Variants in DNAH9 observed in about 807,000 individuals in gnomAD.
The protein encoded by DNAH9 is dynein axonemal heavy chain 9.
Under a neutral mutation model 471.6 loss-of-function variants are expected in DNAH9, and 345 were observed. That is an observed-to-expected ratio of 0.73 (90% confidence interval 0.67 to 0.80). The LOEUF is 0.80. DNAH9 is among the 30% of genes least tolerant of loss of function. The probability of loss-of-function intolerance (pLI) is 0.00; values close to 1 mark genes in which losing one functional copy is unlikely to be tolerated. For missense variants in DNAH9, 5,407 were observed against 5,609.2 expected, an observed-to-expected ratio of 0.96 and a Z score of 1.15; for synonymous variants, 2,093 against 2,123.6, an observed-to-expected ratio of 0.99 and a Z score of 0.40.
intron 7 of DNAH9, among the ~76,000 whole-genome samples, chr17:11,630,894 A>C (rs1465911457): frequency 6.6e-6 from 1 of 152,160 alleles, no homozygotes; most frequent in Admixed American, 6.5e-5. Flanking sequence ...ATCAAGTTGT[A>C]TATCTTATAT....
intron 45 of DNAH9, among the ~76,000 whole-genome samples, chr17:11,815,371 C>G (rs1970060329): frequency 6.6e-6 from 1 of 152,178 alleles, no homozygotes; most frequent in African/African-American, 2.4e-5. Flanking sequence ...TCTATCCTCA[C>G]TACCACTGGT....
At chr17:11,772,274 A>T (rs114989456) in intron 38 of DNAH9, among the ~76,000 whole-genome samples, 13,359 of 151,918 alleles carry the variant, frequency 0.088, 1,624 homozygotes, top group African/African-American at 0.27. Context: ...AATAAAATTA[A>T]ACAGAAAAAG....
At chr17:11,646,605 A>G (rs2073395809) in intron 11 of DNAH9, among the ~76,000 whole-genome samples, 1 of 152,114 alleles carries the variant, frequency 6.6e-6, no homozygotes, top group South Asian at 2.1e-4. Context: ...GATTTAAGCA[A>G]TGCTACCTTT....
At position 11,793,646 on chromosome 17, in the gene DNAH9, G is replaced by A; in HGVS notation, c.8205G>A (p.Val2735=). 1 of 1,611,046 alleles carries A rather than the reference G, an allele frequency of 6.2e-7. No individual in the cohort carries two copies. Among genetic ancestry groups the A allele is most frequent in the South Asian group, 1.1e-5 (1 of 90,306 alleles). The part of the protein sequence containing the change: ...FDLFDKIQTE[V]LKKTFDDIED... ...TTTTTGATAAAATCCAGACAGAAGT[G>A]CTCAAGAAAACTTTTGATGTGAGTA... Residue 2735 remains valine (V), a synonymous_variant, in exon 42 of 69, where the codon GTG becomes GTA. Transcript: ENST00000262442.
At chr17:11,883,859 A>G (rs1597787258) in intron 56 of DNAH9, 109 bp downstream of exon 56, 1 of 1,245,256 alleles carries the variant, frequency 8.0e-7, no homozygotes, top group East Asian at 2.5e-5. Context: ...TCAAAGTAAC[A>G]CATGGCTTTT....
chr17:11,609,010 C>T (rs2072569086), intron 2 of DNAH9, among the ~76,000 whole-genome samples: 1 of 152,136 alleles, frequency 6.6e-6, no homozygotes, highest in Non-Finnish European at 1.5e-5. Context: ...TCAAGCCAGG[C>T]TATGCATATA....
At chr17:11,913,053 A>G (rs1973838927) in intron 61 of DNAH9, among the ~76,000 whole-genome samples, 1 of 152,150 alleles carries the variant, frequency 6.6e-6, no homozygotes, top group Non-Finnish European at 1.5e-5. Flanking sequence ...CTGTAATCCC[A>G]GCTACTTGGG....
In DNAH9 at chr17:11,821,071, C is replaced by T. The variant is rs544222208; in HGVS notation, c.8708-849C>T. Among the ~76,000 whole-genome samples the T allele has an allele frequency of 5.3e-5, 8 of 152,094 alleles. No individual in the cohort carries two copies. In the South Asian group the frequency reaches 1.5e-3, roughly 28 times the overall value. On this transcript the variant is annotated intron_variant, in intron 45 of 68. Transcript: ENST00000262442. ...CCGAGGCGGGTGGATCACCTGAGGTCGGGAGTTCGAGACCAAGCCTGACTA... is the reference window on the plus strand; with the variant it reads ...CCGAGGCGGGTGGATCACCTGAGGTTGGGAGTTCGAGACCAAGCCTGACTA...
At position 11,598,739 on chromosome 17, in the gene DNAH9, C is replaced by T; in HGVS notation, c.241C>T (p.Leu81=). ...GGTGGTGCGGCCCGGGCCCAGGGGC[C>T]TGGCAATACGCCCCGGGCTGGAGGT... ...LLVVRPGPRG[L]AIRPGLEVGP... The change falls in exon 1 of 69, where the codon CTG becomes TTG. Residue 81 remains leucine, a synonymous_variant. Coordinates refer to ENST00000262442, the MANE Select transcript of DNAH9 (RefSeq NM_001372.4). The T allele has an allele frequency of 7.1e-7, 1 of 1,410,184 alleles. No individual in the cohort carries two copies. The highest frequency in any genetic ancestry group is 9.2e-7 in the Non-Finnish European group (1 of 1,089,536). The allele number at this position is 1,410,184 out of a possible 1,614,324, so 87.4% of individuals were successfully genotyped here. A position where few individuals can be genotyped will look rare whatever the true frequency, so the allele number is the denominator to read the frequency against.
chr17:11,739,496 A>C (rs558009554), intron 29 of DNAH9, among the ~76,000 whole-genome samples: 17 of 152,292 alleles, frequency 1.1e-4, no homozygotes, highest in African/African-American at 3.8e-4. Flanking sequence ...TTTGCATATA[A>C]ATCTTTTTTT....
At chr17:11,931,805 T>C (rs1238685965) in intron 63 of DNAH9, among the ~76,000 whole-genome samples, 1 of 152,090 alleles carries the variant, frequency 6.6e-6, no homozygotes, top group Non-Finnish European at 1.5e-5. Flanking sequence ...CCAAACCCTA[T>C]TATCACCTGA....
chr17:11,666,446 C>A (rs2073869588), intron 15 of DNAH9, among the ~76,000 whole-genome samples: 1 of 152,154 alleles, frequency 6.6e-6, no homozygotes. Context: ...CAGTCTTTCT[C>A]CAAGATTACC....
rs1351490352 is a variant in DNAH9, at chr17:11,821,959, ACAT to A, written c.8751_8753del (p.Ile2918del). On this transcript the variant is annotated inframe_deletion, in exon 46 of 69. Transcript: ENST00000262442. ...CTCTACTCTGATGATGAAGTTGAAA[ACAT>A]CATAAGCAATGTGAGGAATGAAGTC... is the stretch of plus-strand genomic sequence containing the variant. 1 of 1,613,944 alleles carries A rather than the reference ACAT, an allele frequency of 6.2e-7. No individual in the cohort carries two copies. Among genetic ancestry groups the A allele is most frequent in the African/African-American group, 1.3e-5 (1 of 74,910 alleles).
chr17:11,915,804 A>T (rs2151022863), intron 61 of DNAH9, among the ~76,000 whole-genome samples: 1 of 152,332 alleles, frequency 6.6e-6, no homozygotes, highest in Admixed American at 6.5e-5. Flanking sequence ...TCAACTAGAG[A>T]TTCTTACAGC....
chr17:11,820,778 A>T (rs993527336), intron 45 of DNAH9, among the ~76,000 whole-genome samples: 1 of 152,104 alleles, frequency 6.6e-6, no homozygotes, highest in Non-Finnish European at 1.5e-5. Flanking sequence ...TGATATTTTC[A>T]TCATGAAATA....
At chr17:11,839,476 A>G (rs1597719710) in intron 49 of DNAH9, among the ~76,000 whole-genome samples, 1 of 151,944 alleles carries the variant, frequency 6.6e-6, no homozygotes, top group Admixed American at 6.6e-5. Context: ...AGATCGCGCC[A>G]CTGCACTCCA....
At chr17:11,945,512 T>C (rs1427597290) in intron 67 of DNAH9, among the ~76,000 whole-genome samples, 1 of 146,206 alleles carries the variant, frequency 6.8e-6, no homozygotes, top group African/African-American at 2.5e-5. Flanking sequence ...CACTCCAGCC[T>C]GGGTGACAGA....
chr17:11,966,574 T>C (rs1331829100), intron 68 of DNAH9, among the ~76,000 whole-genome samples: 1 of 152,210 alleles, frequency 6.6e-6, no homozygotes, highest in Non-Finnish European at 1.5e-5. Flanking sequence ...GCATAAAAGA[T>C]AGTATAAATG....
chr17:11,804,276 T>G (rs1240007496), intron 43 of DNAH9, among the ~76,000 whole-genome samples: 1 of 152,232 alleles, frequency 6.6e-6, no homozygotes, highest in Non-Finnish European at 1.5e-5. Flanking sequence ...AATATTTAAG[T>G]CAAAACATTT....
Sources: gnomAD v4.1 joint callset for allele counts (sites outside exome capture counted in the v4.1 genomes callset) on GRCh38, gnomAD v4.1.1 for gene constraint, MANE v1.5 for transcripts, NCBI Gene and HGNC (gene_info 2026-07-23, HGNC 2026-07-21) for gene names.